The following ADGRG6 variants were observed in gnomAD, a reference collection of about 807,000 sequenced individuals.
ADGRG6 encodes the protein G-protein coupled receptor 126.
In ADGRG6, 84 loss-of-function variants were observed where a neutral mutation model predicts 142.4. The observed-to-expected ratio is 0.59, with a 90% CI of 0.49 to 0.71. The LOEUF (loss-of-function observed/expected upper bound fraction) is 0.71. ADGRG6 is among the 30% of genes least tolerant of loss of function. The probability of loss-of-function intolerance (pLI) is 0.00; values close to 1 mark genes in which losing one functional copy is unlikely to be tolerated. For missense variants in ADGRG6, 1,367 were observed against 1,466.6 expected, an observed-to-expected ratio of 0.93 and a Z score of 1.11; for synonymous variants, 521 against 520.5, an observed-to-expected ratio of 1.00 and a Z score of -0.01.
chr6:142,338,026 T>TTTG (rs1779419920), intron 2 of ADGRG6, among the ~76,000 whole-genome samples: 1 of 43,244 alleles, frequency 2.3e-5, no homozygotes, highest in Admixed American at 2.8e-4. Context: ...TGTTTTTTTT[T>TTTG]TTTTTTTTTT....
intron 2 of ADGRG6, among the ~76,000 whole-genome samples, chr6:142,316,618 GA>G (rs1217120616): frequency 5.9e-5 from 9 of 152,168 alleles, no homozygotes; most frequent in Admixed American, 5.9e-4. Flanking sequence ...AATATGTCCA[GA>G]AATATGACAT....
chr6:142,416,874 T>C (rs757649808), intron 20 of ADGRG6, among the ~76,000 whole-genome samples: 2 of 152,198 alleles, frequency 1.3e-5, no homozygotes, highest in Non-Finnish European at 2.9e-5. Flanking sequence ...TTTCTTTATA[T>C]AGAAGGAGGC....
intron 6 of ADGRG6, among the ~76,000 whole-genome samples, chr6:142,385,601 T>A (rs2114947441): frequency 6.6e-6 from 1 of 152,292 alleles, no homozygotes; most frequent in South Asian, 2.1e-4. Context: ...TATAACACAG[T>A]TGTAAAAAGT....
rs768166001 is a variant in ADGRG6, at chr6:142,367,566, C to G, written c.104-3C>G. On this transcript the variant is annotated splice_polypyrimidine_tract_variant and splice_region_variant and intron_variant, in intron 2 of 24. Coordinates refer to ENST00000367609, the MANE Select transcript of ADGRG6 (RefSeq NM_198569.3). Reference sequence around the variant, plus strand: ...CTCTGTCTCTCTTTTGTCTGGCCAGCAGTGTGGGGATGTGCCAACTGCCGA... The same window carrying G: ...CTCTGTCTCTCTTTTGTCTGGCCAGGAGTGTGGGGATGTGCCAACTGCCGA... 6.2e-7 allele frequency: 1 copy of G among 1,610,792 alleles called. No individual in the cohort carries two copies. Among genetic ancestry groups the G allele is most frequent in the Admixed American group, 1.7e-5 (1 of 59,842 alleles).
intron 1 of ADGRG6, among the ~76,000 whole-genome samples, chr6:142,304,930 C>T (rs529115644): frequency 6.6e-6 from 1 of 151,940 alleles, no homozygotes; most frequent in Admixed American, 6.6e-5. Context: ...ATGTTACTTT[C>T]CATTATAAGC....
chr6:142,326,039 A>G (rs1335508489), intron 2 of ADGRG6, among the ~76,000 whole-genome samples: 2 of 152,116 alleles, frequency 1.3e-5, no homozygotes, highest in African/African-American at 4.8e-5. Flanking sequence ...ATGTAGAAAT[A>G]CAGGTAGGTT....
Position 142,444,850 on chromosome 6 carries a change from G to A in ADGRG6, c.*1335G>A, listed in dbSNP as rs1227725316. 2 of 152,198 alleles carry A rather than the reference G, an allele frequency of 1.3e-5. No individual in the cohort carries two copies. Among genetic ancestry groups the A allele is most frequent in the African/African-American group, 2.4e-5 (1 of 41,462 alleles). The allele number at this position is 152,198 out of a possible 1,614,324, so 9.4% of individuals were successfully genotyped here. A position where few individuals can be genotyped will look rare whatever the true frequency, so the allele number is the denominator to read the frequency against. ...TTAGAAATCGGTCTCAGTGCATGCT[G>A]TGCTTTTTCACATTTGCTCTGGGTT... On this transcript the variant is annotated 3_prime_UTR_variant, in exon 25 of 25. Transcript: ENST00000367609.
intron 2 of ADGRG6, among the ~76,000 whole-genome samples, chr6:142,334,824 C>A (rs1283109535): frequency 6.6e-6 from 1 of 152,002 alleles, no homozygotes; most frequent in African/African-American, 2.4e-5. Context: ...AGTACTTAGG[C>A]TTATGAAATA....
At chr6:142,355,020 T>C (rs1265432984) in intron 2 of ADGRG6, among the ~76,000 whole-genome samples, 1 of 152,214 alleles carries the variant, frequency 6.6e-6, no homozygotes, top group Non-Finnish European at 1.5e-5. Context: ...TGATCTATTA[T>C]CCAAACATCT....
In ADGRG6 at chr6:142,445,055, G is replaced by A. The variant is rs1777913764; in HGVS notation, c.*1540G>A. ...TATGGGAGAGCTTTTAGGCTACACA[G>A]CAACCCAAGGGACCTCTCACCTTTT... On this transcript the variant is annotated 3_prime_UTR_variant, in exon 25 of 25. Coordinates refer to ENST00000367609, the MANE Select transcript of ADGRG6 (RefSeq NM_198569.3). 2 of 152,162 alleles carry A rather than the reference G, an allele frequency of 1.3e-5. No individual in the cohort carries two copies. Among genetic ancestry groups the A allele is most frequent in the South Asian group, 4.1e-4 (2 of 4,828 alleles). 9.4% of individuals were successfully genotyped at this position (152,162 alleles called of 1,614,324 possible). A position where few individuals can be genotyped will look rare whatever the true frequency, so the allele number is the denominator to read the frequency against.
Position 142,393,955 on chromosome 6 carries a change from C to T in ADGRG6, c.1421C>T (p.Pro474Leu), listed in dbSNP as rs1333979185. The T allele has an allele frequency of 6.5e-7, 1 of 1,544,328 alleles. No individual in the cohort carries two copies. The highest frequency in any genetic ancestry group is 8.8e-7 in the Non-Finnish European group (1 of 1,135,262). Residue 474 changes from proline to leucine, a missense_variant, in exon 9 of 25, where the codon CCA becomes CTA. Physicochemically the swap from Pro to Leu is moderately conservative, Grantham distance 98 (BLOSUM62 -3). This residue lies in a region of ADGRG6 where 737 missense variants were observed against 746.5 expected (regional missense o/e 0.99). Transcript: ENST00000367609. ...GTCAAGAGAAGCCTTGAGGATGAGC[C>T]AAGGTAACAGGACAAAGTATTGTAA... ...IKVKRSLEDE[P>L]RLVLWALLVY...
chr6:142,366,833 G>A (rs1186381674), intron 2 of ADGRG6, among the ~76,000 whole-genome samples: 3 of 151,400 alleles, frequency 2.0e-5, no homozygotes, highest in African/African-American at 7.3e-5. Context: ...ATTTAGAATA[G>A]TGCTTGGCAC....
chr6:142,397,359 A>G (rs1775251805), intron 9 of ADGRG6, among the ~76,000 whole-genome samples: 2 of 152,122 alleles, frequency 1.3e-5, no homozygotes, highest in Admixed American at 6.5e-5. Flanking sequence ...ATTAAATATT[A>G]AAATATTTCT....
intron 3 of ADGRG6, among the ~76,000 whole-genome samples, 165 bp downstream of exon 3, chr6:142,368,075 G>A (rs1203988167): frequency 1.3e-5 from 2 of 152,172 alleles, no homozygotes; most frequent in Non-Finnish European, 2.9e-5. Flanking sequence ...ATTCTTGTTA[G>A]CAAAATATAA....
At position 142,416,059 on chromosome 6, in the gene ADGRG6, G is replaced by A. The variant is rs2115076196; in HGVS notation, c.2933G>A (p.Gly978Asp). The A allele has an allele frequency of 6.2e-7, 1 of 1,610,812 alleles. No homozygotes were observed. The highest frequency in any genetic ancestry group is 1.1e-5 in the South Asian group (1 of 90,880). Residue 978 changes from glycine to aspartate, a missense_variant, in exon 20 of 25, where the codon GGC becomes GAC. By Grantham distance (94) the Gly-to-Asp change is moderately conservative. Around this residue, in one of 3 missense-constraint regions of ADGRG6, gnomAD observed 344 missense variants for 348.7 expected, o/e 0.99. Transcript: ENST00000367609. Reference sequence around the variant, plus strand: ...TACATTCTAAAATTCTGCATCATTGGCTGGGGTAAGCCTCTTAAAATTTTT... The same window carrying A: ...TACATTCTAAAATTCTGCATCATTGACTGGGGTAAGCCTCTTAAAATTTTT... ...RRYILKFCII[G>D]WGLPALVVSV...
In ADGRG6 at chr6:142,420,123, G is replaced by A; in HGVS notation, c.3319+19G>A. On this transcript the variant is annotated intron_variant, in intron 22 of 24. Coordinates refer to ENST00000367609, the MANE Select transcript of ADGRG6 (RefSeq NM_198569.3). ...TTACAAGGTAAGATAAATTGTACAT[G>A]AATAGTCTCTGCTTTCTAATTTTGT... The A allele has an allele frequency of 6.3e-7, 1 of 1,583,022 alleles. No individual in the cohort carries two copies. Among genetic ancestry groups the A allele is most frequent in the African/African-American group, 1.3e-5 (1 of 74,130 alleles).
At chr6:142,410,982 G>A (rs761232187) in intron 17 of ADGRG6, among the ~76,000 whole-genome samples, 1 of 152,044 alleles carries the variant, frequency 6.6e-6, no homozygotes, top group Non-Finnish European at 1.5e-5. Flanking sequence ...TTAGTGTGTA[G>A]TGTATTTGAA....
intron 24 of ADGRG6, among the ~76,000 whole-genome samples, chr6:142,439,034 C>T (rs937155723): frequency 6.6e-6 from 1 of 152,030 alleles, no homozygotes; most frequent in Non-Finnish European, 1.5e-5. Context: ...GCCTGGAGTC[C>T]CAGCTGCTCT....
At chr6:142,435,480 A>C (rs1226777808) in intron 22 of ADGRG6, among the ~76,000 whole-genome samples, 5 of 151,530 alleles carry the variant, frequency 3.3e-5, no homozygotes, top group Non-Finnish European at 7.4e-5. Flanking sequence ...ATTACCTCTT[A>C]ATTTGACCGC....
Sources: allele counts gnomAD v4.1 joint callset (sites outside exome capture counted in the v4.1 genomes callset), GRCh38; gene constraint gnomAD v4.1.1; regional missense constraint gnomAD v4.1.1; transcripts MANE v1.5; gene names NCBI Gene and HGNC (gene_info 2026-07-23, HGNC 2026-07-21).